FIG4: variants seen among roughly 807,000 people sequenced by gnomAD.
FIG4 encodes polyphosphoinositide phosphatase.
A neutral mutation model predicts 118.6 loss-of-function variants in FIG4; 112 were observed. The ratio of observed to expected loss-of-function variants is 0.94; its 90% confidence interval spans 0.81 to 1.11. The LOEUF is 1.11. Ranked by LOEUF, FIG4 falls within the 50% of genes least tolerant of loss-of-function variation. The probability of loss-of-function intolerance (pLI) is 0.00; values close to 1 mark genes in which losing one functional copy is unlikely to be tolerated. For synonymous variants in FIG4, 369 were observed against 381.2 expected (o/e 0.97, Z 0.37); for missense variants, 969 against 1,111.7 (o/e 0.87, Z 1.83).
rs191515586 is a variant in FIG4 at position 109,707,578 on chromosome 6, C to T, written c.67-7500C>T. ...AAATTCTTACCTTTTAAAGTGTTAC[C>T]TATTCTTGAAGGTTCAATTCTAGAC... On this transcript the variant is annotated intron_variant, in intron 1 of 22. Transcript: ENST00000230124. Among the ~76,000 whole-genome samples, 704 of 151,790 alleles carry T rather than the reference C, an allele frequency of 4.6e-3. 11 individuals are homozygous for T. The South Asian group carries it at 0.066, about 14-fold the overall frequency.
chr6:109,799,319 AC>A (rs1778369509), intron 22 of FIG4, among the ~76,000 whole-genome samples: 1 of 152,250 alleles, frequency 6.6e-6, no homozygotes, highest in South Asian at 2.1e-4. Context: ...GCTCAGCATT[AC>A]ATTGTCATGG....
chr6:109,752,520 T>A (rs1776741060), intron 10 of FIG4, among the ~76,000 whole-genome samples: 1 of 152,174 alleles, frequency 6.6e-6, no homozygotes, highest in Non-Finnish European at 1.5e-5. Flanking sequence ...GACATTTTAA[T>A]GATCGCCATT....
intron 3 of FIG4, 121 bp downstream of exon 3, chr6:109,716,689 G>C: frequency 8.1e-7 from 1 of 1,239,210 alleles, no homozygotes; most frequent in Non-Finnish European, 1.2e-6. Context: ...CTGTAGCTTT[G>C]GTTATTTAAA....
At chr6:109,765,616 T>C (rs903802268) in intron 14 of FIG4, among the ~76,000 whole-genome samples, 1 of 152,206 alleles carries the variant, frequency 6.6e-6, no homozygotes, top group African/African-American at 2.4e-5. Flanking sequence ...CCACATTCTT[T>C]AGATAAATCC....
chr6:109,736,683 T>C (rs994189105), intron 6 of FIG4, among the ~76,000 whole-genome samples: 12 of 152,196 alleles, frequency 7.9e-5, no homozygotes, highest in African/African-American at 2.9e-4. Flanking sequence ...TTGCCATCTC[T>C]GGAGCAATTC....
intron 10 of FIG4, among the ~76,000 whole-genome samples, chr6:109,758,583 G>A (rs962685663): frequency 6.6e-6 from 1 of 152,136 alleles, no homozygotes; most frequent in Non-Finnish European, 1.5e-5. Flanking sequence ...AAAAGCAATG[G>A]CAACAAAAGC....
intron 4 of FIG4, 101 bp downstream of exon 4, chr6:109,727,366 G>A (rs1562648641): frequency 2.1e-6 from 2 of 968,350 alleles, no homozygotes; most frequent in Non-Finnish European, 3.3e-6. Flanking sequence ...ATAGCTTGCT[G>A]TAGCCTTGGC....
At chr6:109,818,118 CCA>C (rs1286210392) in intron 22 of FIG4, among the ~76,000 whole-genome samples, 4 of 152,204 alleles carry the variant, frequency 2.6e-5, no homozygotes, top group Non-Finnish European at 5.9e-5. Flanking sequence ...CCCCCTTTAT[CCA>C]CAGTTTCTCT....
At chr6:109,817,489 C>A (rs1778892197) in intron 22 of FIG4, among the ~76,000 whole-genome samples, 1 of 151,666 alleles carries the variant, frequency 6.6e-6, no homozygotes, top group African/African-American at 2.4e-5. Flanking sequence ...AGAAAATCAT[C>A]AAGCTTTATT....
intron 21 of FIG4, among the ~76,000 whole-genome samples, chr6:109,795,123 T>G (rs902521612): frequency 8.6e-4 from 60 of 69,708 alleles, no homozygotes; most frequent in Non-Finnish European, 1.2e-3. Flanking sequence ...TTTTTTTTTT[T>G]TTTTTTTTTT....
At chr6:109,715,722 T>G (rs1450515680) in intron 2 of FIG4, among the ~76,000 whole-genome samples, 2 of 152,134 alleles carry the variant, frequency 1.3e-5, no homozygotes, top group Non-Finnish European at 2.9e-5. Flanking sequence ...AAGCTGTTAG[T>G]CAAAAGTGAA....
At chr6:109,715,330 A>G (rs1023518668) in intron 2 of FIG4, among the ~76,000 whole-genome samples, 154 bp downstream of exon 2, 4 of 152,178 alleles carry the variant, frequency 2.6e-5, no homozygotes, top group African/African-American at 7.2e-5. Flanking sequence ...TGAATCTCCA[A>G]TCTGATTTCT....
Position 109,738,442 on chromosome 6 carries a change from G to A in FIG4, c.764G>A (p.Cys255Tyr), listed in dbSNP as rs1776227536. 5 of 1,612,570 alleles carry A rather than the reference G, an allele frequency of 3.1e-6. No individual in the cohort carries two copies. Among genetic ancestry groups the A allele is most frequent in the Non-Finnish European group, 3.4e-6 (4 of 1,179,052 alleles). ...DWLLYIIHGFCGQSKLLIYGR... is the reference protein window; with the variant it reads ...DWLLYIIHGFYGQSKLLIYGR... Reference sequence around the variant, plus strand: ...CTTTTGTATATTATTCATGGGTTCTGTGGGCAGTCAAGTATCCTTTCTGAA... The same window carrying A: ...CTTTTGTATATTATTCATGGGTTCTATGGGCAGTCAAGTATCCTTTCTGAA... The change falls in exon 7 of 23, where the codon TGT (cysteine) becomes TAT (tyrosine). Residue 255 changes from cysteine to tyrosine, a missense_variant. Around this residue, in one of 3 missense-constraint regions of FIG4, gnomAD observed 393 missense variants for 409.4 expected, o/e 0.96. Transcript: ENST00000230124.
In FIG4 at chr6:109,741,449, T is replaced by C. The variant is rs1485425221; in HGVS notation, c.781T>C (p.Leu261=). Residue 261 remains leucine (L), a synonymous_variant, in exon 8 of 23, where the codon TTG becomes CTG. Transcript: ENST00000230124. The part of the protein sequence containing the change: ...IHGFCGQSKL[L]IYGRPVYVTL... ...ACCTTAACTTGATTTCCAAGAGCTG[T>C]TGATCTATGGACGACCAGTGTATGT... 2 of 1,607,876 alleles carry C rather than the reference T, an allele frequency of 1.2e-6. No homozygotes were observed. Among genetic ancestry groups the C allele is most frequent in the South Asian group, 1.1e-5 (1 of 90,976 alleles).
intron 22 of FIG4, among the ~76,000 whole-genome samples, chr6:109,816,357 A>G (rs1778862491): frequency 6.6e-6 from 1 of 152,112 alleles, no homozygotes. Context: ...ATCCCTCCAA[A>G]CCATCAACGT....
rs74512889 is a variant in FIG4, at chr6:109,810,147, G to A, written c.2546+13296G>A. Among the ~76,000 whole-genome samples the A allele has an allele frequency of 6.4e-4, 97 of 152,260 alleles. 1 individual carries two copies. The East Asian group carries it at 0.017, about 26-fold the overall frequency. On this transcript the variant is annotated intron_variant, in intron 22 of 22. Coordinates refer to ENST00000230124, the MANE Select transcript of FIG4 (RefSeq NM_014845.6). The stretch of plus-strand genomic sequence containing the variant: ...GGGTCACAGGCTAACCCCTAAGTAT[G>A]TTACTGCCAGGCTATGTATGGGCTG...
At chr6:109,770,293 A>AT (rs1777418924) in intron 15 of FIG4, among the ~76,000 whole-genome samples, 1 of 152,168 alleles carries the variant, frequency 6.6e-6, no homozygotes, top group Non-Finnish European at 1.5e-5. Context: ...AAATCCTATT[A>AT]TAAAAAAAAG....
At chr6:109,714,720 A>C (rs1775373954) in intron 1 of FIG4, among the ~76,000 whole-genome samples, 1 of 152,200 alleles carries the variant, frequency 6.6e-6, no homozygotes, top group Non-Finnish European at 1.5e-5. Flanking sequence ...GTTCCTAATT[A>C]TATGTTGAGC....
chr6:109,699,580 G>A (rs543673272), intron 1 of FIG4, among the ~76,000 whole-genome samples: 1,629 of 147,794 alleles, frequency 0.011, 17 homozygotes, highest in Middle Eastern at 0.053. Flanking sequence ...TCGGCTCACT[G>A]CAGCCTCTGC....
Sources: gnomAD v4.1 joint callset for allele counts (sites outside exome capture counted in the v4.1 genomes callset) on GRCh38, gnomAD v4.1.1 for gene constraint, gnomAD v4.1.1 regional missense constraint, MANE v1.5 for transcripts, NCBI Gene and HGNC (gene_info 2026-07-23, HGNC 2026-07-21) for gene names.